LGR5: variants seen among roughly 807,000 people sequenced by gnomAD.
LGR5 encodes leucine-rich repeat-containing G protein-coupled receptor 5.
In LGR5, 54 loss-of-function variants were observed where a neutral mutation model predicts 76.7. The observed-to-expected ratio is 0.70, with a 90% CI of 0.57 to 0.88. LGR5 has a LOEUF of 0.88. Among genes scored for constraint, LGR5 ranks in the 40% least tolerant of loss-of-function variants. The pLI is 0.00. For synonymous variants in LGR5, 406 were observed against 421.9 expected, an observed-to-expected ratio of 0.96 and a Z score of 0.46; for missense variants, 1,078 against 1,073.3, an observed-to-expected ratio of 1.00 and a Z score of -0.06.
intron 12 of LGR5, 23 bp downstream of exon 12, chr12:71,571,602 C>T: frequency 6.4e-7 from 1 of 1,557,342 alleles, no homozygotes. Context: ...GTCTCTAAGT[C>T]ACCTAGCAAA....
intron 2 of LGR5, among the ~76,000 whole-genome samples, chr12:71,507,725 C>T (rs937417500): frequency 3.3e-5 from 5 of 151,888 alleles, no homozygotes; most frequent in Non-Finnish European, 7.4e-5. Flanking sequence ...GAAATGTTAA[C>T]TCTCTCTTTC....
At chr12:71,497,963 T>A (rs962254703) in intron 1 of LGR5, among the ~76,000 whole-genome samples, 2 of 152,180 alleles carry the variant, frequency 1.3e-5, no homozygotes, top group Admixed American at 6.6e-5. Flanking sequence ...CCTACTTTAG[T>A]CATCTCCCTC....
intron 3 of LGR5, among the ~76,000 whole-genome samples, chr12:71,525,527 C>G (rs1256040582): frequency 6.6e-6 from 1 of 151,606 alleles, no homozygotes; most frequent in Non-Finnish European, 1.5e-5. Flanking sequence ...TATAGTTTCA[C>G]AAACCCCCCA....
chr12:71,453,195 TTATAAA>T (rs1050910746), intron 1 of LGR5, among the ~76,000 whole-genome samples: 2 of 152,198 alleles, frequency 1.3e-5, no homozygotes, highest in African/African-American at 4.8e-5. Context: ...CCAACAACTG[TTATAAA>T]TAAAAATATT....
chr12:71,561,186 T>C (rs1878040075), intron 7 of LGR5, among the ~76,000 whole-genome samples: 1 of 152,172 alleles, frequency 6.6e-6, no homozygotes, highest in Admixed American at 6.5e-5. Context: ...AGTGGCTTCA[T>C]GGCATGGGGT....
At chr12:71,484,371 G>A (rs201402498) in intron 1 of LGR5, among the ~76,000 whole-genome samples, 1 of 152,176 alleles carries the variant, frequency 6.6e-6, no homozygotes, top group Non-Finnish European at 1.5e-5. Flanking sequence ...TATGCTAAAC[G>A]ATCAAACAGC....
intron 2 of LGR5, among the ~76,000 whole-genome samples, chr12:71,518,172 A>G (rs1322719784): frequency 6.6e-6 from 1 of 152,212 alleles, no homozygotes; most frequent in Non-Finnish European, 1.5e-5. Context: ...ACAAGAAAAA[A>G]ACAAAAAATT....
At chr12:71,508,789 C>G (rs972224895) in intron 2 of LGR5, among the ~76,000 whole-genome samples, 2 of 142,630 alleles carry the variant, frequency 1.4e-5, no homozygotes, top group Non-Finnish European at 3.0e-5. Flanking sequence ...CATTGTAACT[C>G]TTGATTGAAT....
intron 2 of LGR5, among the ~76,000 whole-genome samples, chr12:71,523,973 G>A (rs1205437105): frequency 6.6e-6 from 1 of 152,084 alleles, no homozygotes; most frequent in Non-Finnish European, 1.5e-5. Flanking sequence ...TAAGAAAGTT[G>A]GGTATTTTGA....
At chr12:71,477,204 G>A (rs929724864) in intron 1 of LGR5, among the ~76,000 whole-genome samples, 1 of 151,998 alleles carries the variant, frequency 6.6e-6, no homozygotes, top group South Asian at 2.1e-4. Context: ...ACACAGCCAG[G>A]CAACTGTCTC....
At chr12:71,567,914 T>C (rs1878429142) in intron 11 of LGR5, among the ~76,000 whole-genome samples, 1 of 152,148 alleles carries the variant, frequency 6.6e-6, no homozygotes, top group Non-Finnish European at 1.5e-5. Context: ...GAATTTAATT[T>C]GTTAAAATCA....
At chr12:71,480,975 G>T (rs748224107) in intron 1 of LGR5, among the ~76,000 whole-genome samples, 25 of 152,134 alleles carry the variant, frequency 1.6e-4, no homozygotes, top group Admixed American at 1.3e-4. Flanking sequence ...TTCCTCATAC[G>T]ATAGCTAGAT....
Position 71,524,422 on chromosome 12 carries a change from G to A in LGR5, c.301G>A (p.Ala101Thr), listed in dbSNP as rs531998322. The change falls in exon 3 of 18, where the codon GCT (alanine) becomes ACT (threonine). Residue 101 changes from alanine to threonine, a missense_variant. By Grantham distance (58) the Ala-to-Thr change is moderately conservative (BLOSUM62 0). Coordinates refer to ENST00000266674, the MANE Select transcript of LGR5 (RefSeq NM_003667.4). ...FLEELRLAGN[A>T]LTYIPKGAFT... ...AACCCACAGACGTCTTGCGGGAAAC[G>A]CTCTGACATACATTCCCAAGGGAGC... is the stretch of plus-strand genomic sequence containing the variant. 2.1e-5 allele frequency: 34 copies of A among 1,612,738 alleles called. No individual in the cohort carries two copies. The highest frequency in any genetic ancestry group is 4.5e-5 in the East Asian group (2 of 44,830).
rs1331108269 is a variant in LGR5 at position 71,446,581 on chromosome 12, T to C, written c.212+6289T>C. 2.0e-5 allele frequency among the ~76,000 whole-genome samples: 3 copies of C among 152,196 alleles called. No homozygotes were observed. In the South Asian group the frequency reaches 6.2e-4, roughly 31 times the overall value. The stretch of plus-strand genomic sequence containing the variant: ...CAAGTATTTCCATTGCTCAAAATAT[T>C]TTTGGATTTCCTTTGAAGTTATCTT... On this transcript the variant is annotated intron_variant, in intron 1 of 17. Transcript: ENST00000266674.
At chr12:71,547,954 A>C (rs1022055810) in intron 4 of LGR5, among the ~76,000 whole-genome samples, 63 of 151,504 alleles carry the variant, frequency 4.2e-4, no homozygotes, top group African/African-American at 1.5e-3. Flanking sequence ...TATATATACT[A>C]TATACTATAA....
At chr12:71,582,336 A>G in intron 16 of LGR5, 120 bp from the exon 17 acceptor site, 2 of 773,734 alleles carry the variant, frequency 2.6e-6, no homozygotes, top group Non-Finnish European at 2.2e-6. Flanking sequence ...CAAGAAAGCT[A>G]GAGCACAAGG....
intron 1 of LGR5, among the ~76,000 whole-genome samples, chr12:71,484,878 GAGCT>G (rs1056705379): frequency 2.0e-5 from 3 of 152,116 alleles, no homozygotes; most frequent in African/African-American, 7.2e-5. Flanking sequence ...ATTTTCAAAC[GAGCT>G]TTGGTTTAAG....
chr12:71,564,777 G>GTATATATA lies in LGR5; in HGVS notation c.858-1627_858-1626insTATATATA, dbSNP rs1491131131. ...ACATATATACATATATGTACACACT[G>GTATATATA]CATATATACATATATACATATATGT... On this transcript the variant is annotated intron_variant, in intron 8 of 17. Transcript: ENST00000266674. Among the ~76,000 whole-genome samples the GTATATATA allele has an allele frequency of 1.8e-3, 221 of 122,292 alleles. 14 individuals carry two copies. Among genetic ancestry groups the GTATATATA allele is most frequent in the African/African-American group, 5.9e-3 (205 of 34,566 alleles). 80.2% of individuals were successfully genotyped at this position (122,292 alleles called of 152,430 possible).
chr12:71,479,547 G>T (rs1263518992), intron 1 of LGR5, among the ~76,000 whole-genome samples: 1 of 152,152 alleles, frequency 6.6e-6, no homozygotes, highest in African/African-American at 2.4e-5. Context: ...TAAGTGAAAA[G>T]AATGGAGAGG....
Sources: allele counts gnomAD v4.1 joint callset (sites outside exome capture counted in the v4.1 genomes callset), GRCh38; gene constraint gnomAD v4.1.1; transcripts MANE v1.5; gene names NCBI Gene and HGNC (gene_info 2026-07-23, HGNC 2026-07-21).